TAF3: variants seen among roughly 807,000 people sequenced by gnomAD.
TAF3 encodes transcription initiation factor TFIID subunit 3.
In TAF3, 7 loss-of-function variants were observed where a neutral mutation model predicts 80.6. The ratio of observed to expected loss-of-function variants is 0.09; its 90% CI spans 0.05 to 0.16. The LOEUF (loss-of-function observed/expected upper bound fraction) is 0.16, where lower values mean the gene tolerates loss of function less well. Among genes scored for constraint, TAF3 ranks in the 10% least tolerant of loss-of-function variants. The pLI, the probability that TAF3 is intolerant of heterozygous loss-of-function variation, is 1.00. For missense variants in TAF3, 921 were observed against 1,140.2 expected, an observed-to-expected ratio of 0.81 and a Z score of 2.77; for synonymous variants, 444 against 446.1, an observed-to-expected ratio of 1.00 and a Z score of 0.06.
chr10:7,844,044 T>C (rs1588521018), intron 2 of TAF3, among the ~76,000 whole-genome samples: 2 of 152,230 alleles, frequency 1.3e-5, no homozygotes, highest in South Asian at 2.1e-4. Flanking sequence ...ACTTTAGTCA[T>C]TGATGCCTTG....
intron 4 of TAF3, among the ~76,000 whole-genome samples, chr10:7,989,051 C>G (rs935303485): frequency 6.6e-6 from 1 of 151,986 alleles, no homozygotes; most frequent in South Asian, 2.1e-4. Context: ...TAGCTTTGCC[C>G]CAAGTGGTGG....
intron 4 of TAF3, among the ~76,000 whole-genome samples, chr10:7,996,784 A>G (rs1831891395): frequency 6.6e-6 from 1 of 150,636 alleles, no homozygotes; most frequent in South Asian, 2.1e-4. Context: ...GGCTCAAGCT[A>G]TCCTCCCTTC....
At chr10:7,968,066 G>GA (rs1831589588) in intron 3 of TAF3, among the ~76,000 whole-genome samples, 1 of 152,112 alleles carries the variant, frequency 6.6e-6, no homozygotes, top group Non-Finnish European at 1.5e-5. Context: ...AAATACACCT[G>GA]AAATGCGGTT....
chr10:7,980,026 C>T (rs1242422767), intron 4 of TAF3, among the ~76,000 whole-genome samples: 2 of 152,144 alleles, frequency 1.3e-5, no homozygotes, highest in South Asian at 4.1e-4. Flanking sequence ...TAGCATGATA[C>T]ATGGCTTAGT....
intron 2 of TAF3, among the ~76,000 whole-genome samples, chr10:7,873,777 G>A: frequency 6.6e-6 from 1 of 152,240 alleles, no homozygotes; most frequent in East Asian, 1.9e-4. Flanking sequence ...TGATTAAAAT[G>A]TGTAAGGTTG....
rs1174113153 is a variant in TAF3 at position 7,895,901 on chromosome 10, C to T, written c.410-68019C>T. Among the ~76,000 whole-genome samples the T allele has an allele frequency of 2.6e-5, 4 of 152,280 alleles. No homozygotes were observed. In the East Asian group the frequency reaches 5.8e-4, roughly 22 times the overall value. ...TCCCCACCCCTGCGCCTAGTTATCA[C>T]GTGACAGGAATCAAGTGCCTTCAGT... On this transcript the variant is annotated intron_variant, in intron 2 of 6. Transcript: ENST00000344293.
intron 4 of TAF3, among the ~76,000 whole-genome samples, chr10:7,988,508 G>GCTCTACC (rs1293842379): frequency 2.8e-5 from 4 of 140,820 alleles, no homozygotes; most frequent in Admixed American, 7.6e-5. Flanking sequence ...GGAGGTAGAG[G>GCTCTACC]TTGCAGTGAG....
At position 8,009,471 on chromosome 10, in the gene TAF3, C is replaced by T. The variant is rs779399991; in HGVS notation, c.2568+141C>T. The T allele has an allele frequency of 1.2e-4, 159 of 1,273,574 alleles. No homozygotes were observed. The highest frequency in any genetic ancestry group is 1.5e-4 in the Non-Finnish European group (149 of 962,564). The allele number at this position is 1,273,574 out of a possible 1,614,324, so 78.9% of individuals were successfully genotyped here. A position where few individuals can be genotyped will look rare whatever the true frequency, so the allele number is the denominator to read the frequency against. The stretch of plus-strand genomic sequence containing the variant: ...CTTAATTATTTTTGAGACAGGGTCT[C>T]CCTGTGTGGCTCAGGCTGGAGTACA... On this transcript the variant is annotated intron_variant, in intron 5 of 6. Transcript: ENST00000344293. The surrounding 1 kb of genome is among the most constrained non-coding windows in gnomAD (Gnocchi z 4.1).
chr10:7,979,791 A>T (rs1831708927), intron 4 of TAF3, among the ~76,000 whole-genome samples: 1 of 114,104 alleles, frequency 8.8e-6, no homozygotes, highest in African/African-American at 3.4e-5. Flanking sequence ...AATAAAACTT[A>T]TTCAGTAAAG....
rs1200189621 is a variant in TAF3, at chr10:8,014,721, G to A, written c.2760G>A (p.Lys920=). 10 of 1,607,752 alleles carry A rather than the reference G, an allele frequency of 6.2e-6. No individual in the cohort carries two copies. The highest frequency in any genetic ancestry group is 1.6e-4 in the Middle Eastern group (1 of 6,078). ...GTGCGAACAAGAAGAAGGACAAAAA[G>A]CACAAGAAGAGGAAGCATCGAGCCC... is the stretch of plus-strand genomic sequence containing the variant. ...PKCANKKKDK[K]HKKRKHRAH is the part of the protein sequence containing the mutation. The change falls in exon 7 of 7, where the codon AAG becomes AAA. Residue 920 remains lysine, a synonymous_variant. Coordinates refer to ENST00000344293, the MANE Select transcript of TAF3 (RefSeq NM_031923.4).
chr10:7,970,316 A>G (rs1369449218), intron 3 of TAF3, among the ~76,000 whole-genome samples: 1 of 152,254 alleles, frequency 6.6e-6, no homozygotes, highest in Non-Finnish European at 1.5e-5. Context: ...TTGAGTGCCT[A>G]CAGGTTCCAG....
intron 2 of TAF3, among the ~76,000 whole-genome samples, chr10:7,863,756 T>TATATACACATATATATATACACATATAC (rs1837180673): frequency 7.0e-6 from 1 of 142,926 alleles, no homozygotes; most frequent in African/African-American, 2.6e-5. Context: ...TACACATATA[T>TATATACACATATATATATACACATATAC]ATATACACAC....
In TAF3 at chr10:7,965,186, T is replaced by TGAAAGA. The variant is rs750451523; in HGVS notation, c.1689_1694dup (p.Glu563_Lys564dup). The TGAAAGA allele has an allele frequency of 7.5e-6, 12 of 1,605,616 alleles. No homozygotes were observed. The highest frequency in any genetic ancestry group is 6.8e-5 in the South Asian group (6 of 88,852). On this transcript the variant is annotated inframe_insertion, in exon 3 of 7. Coordinates refer to ENST00000344293, the MANE Select transcript of TAF3 (RefSeq NM_031923.4). ...GACAAAAGTAAGGAGAAGGATAAAGTGAAAGAGAAAGAGAAAGACAAGGAA... is the reference window on the plus strand; with the variant it reads ...GACAAAAGTAAGGAGAAGGATAAAGTGAAAGAGAAAGAGAAAGAGAAAGACAAGGAA...
chr10:8,008,028 C>T (rs529484125), intron 4 of TAF3, among the ~76,000 whole-genome samples: 114 of 151,192 alleles, frequency 7.5e-4, no homozygotes, highest in Non-Finnish European at 1.4e-3. Flanking sequence ...GCGGCAGCAT[C>T]ACCAGGACAG....
intron 4 of TAF3, among the ~76,000 whole-genome samples, chr10:7,989,890 T>C (rs1831817203): frequency 6.6e-6 from 1 of 152,254 alleles, no homozygotes; most frequent in African/African-American, 2.4e-5. Context: ...ACTCTGGCTG[T>C]GATATCATAT....
chr10:7,897,603 C>T (rs1005857330), intron 2 of TAF3, among the ~76,000 whole-genome samples: 4 of 151,818 alleles, frequency 2.6e-5, no homozygotes, highest in African/African-American at 4.8e-5. Context: ...TAGAAGTTTC[C>T]CTGTTTTATT....
chr10:7,973,400 CT>C (rs1399835739), intron 3 of TAF3, among the ~76,000 whole-genome samples: 1 of 152,194 alleles, frequency 6.6e-6, no homozygotes, highest in African/African-American at 2.4e-5. Flanking sequence ...TACCTCATCA[CT>C]GATGACTGTG....
chr10:7,962,142 T>C (rs1015605434), intron 2 of TAF3, among the ~76,000 whole-genome samples: 2 of 152,194 alleles, frequency 1.3e-5, no homozygotes, highest in African/African-American at 4.8e-5. Context: ...TGAGCCACCA[T>C]GCCTGACCAG....
At chr10:7,965,775 A>T (rs1330146261) in intron 3 of TAF3, 33 bp downstream of exon 3, 5 of 1,498,300 alleles carry the variant, frequency 3.3e-6, no homozygotes, top group Non-Finnish European at 4.4e-6. Context: ...CCCTATCTGA[A>T]CAGAGTCCTA....
Sources: allele counts gnomAD v4.1 joint callset (sites outside exome capture counted in the v4.1 genomes callset), GRCh38; gene constraint gnomAD v4.1.1; non-coding constraint Gnocchi (gnomAD v3.1); transcripts MANE v1.5; gene names NCBI Gene and HGNC (gene_info 2026-07-23, HGNC 2026-07-21).